PAK5: variants seen among roughly 807,000 people sequenced by gnomAD.
PAK5 encodes serine/threonine-protein kinase PAK 5.
Under a neutral mutation model 65.9 loss-of-function variants are expected in PAK5, and 16 were observed. The observed-to-expected ratio is 0.24, with a 90% confidence interval of 0.16 to 0.37. PAK5 has a LOEUF of 0.37. Among genes scored for constraint, PAK5 ranks in the 10% least tolerant of loss-of-function variants. The probability of loss-of-function intolerance (pLI) is 1.00; values close to 1 mark genes in which losing one functional copy is unlikely to be tolerated. For synonymous variants in PAK5, 371 were observed against 354.9 expected (o/e 1.05, Z -0.51); for missense variants, 785 against 903.9 (o/e 0.87, Z 1.69).
At chr20:9,554,529 G>A (rs190615244) in intron 7 of PAK5, among the ~76,000 whole-genome samples, 1 of 152,306 alleles carries the variant, frequency 6.6e-6, no homozygotes, top group East Asian at 1.9e-4. Context: ...GCACTGTTTT[G>A]CTGAGCTATA....
intron 5 of PAK5, among the ~76,000 whole-genome samples, chr20:9,564,143 C>T (rs2045635485): frequency 6.6e-6 from 1 of 152,174 alleles, no homozygotes; most frequent in Admixed American, 6.6e-5. Flanking sequence ...GATCTCTCAT[C>T]CACAAAAACT....
In PAK5 at chr20:9,723,710, A is replaced by C. The variant is rs722482; in HGVS notation, c.-161-12275T>G. On this transcript the variant is annotated intron_variant, in intron 1 of 9. Transcript: ENST00000353224. ...AATGAGACACATAAGAAGAGAAGCC[A>C]TGTGGCCCTGGTCACCCTGGGCAAA... 6.4e-3 allele frequency among the ~76,000 whole-genome samples: 974 copies of C among 152,270 alleles called. 20 individuals carry two copies. The highest frequency in any genetic ancestry group is 0.04 in the Admixed American group (611 of 15,296).
Position 9,561,083 on chromosome 20 carries a change from T to C in PAK5, c.1616+1808A>G, listed in dbSNP as rs148580360. On this transcript the variant is annotated intron_variant, in intron 6 of 9. Transcript: ENST00000353224. ...CTATTAAAGGAAGCTCTCTGAATTC[T>C]GAGTTTAAGATTTCGAATACCAAGT... is the stretch of plus-strand genomic sequence containing the variant. 1.1e-3 allele frequency among the ~76,000 whole-genome samples: 167 copies of C among 152,350 alleles called. 1 individual carries two copies. The East Asian group carries it at 0.027, about 25-fold the overall frequency.
At chr20:9,790,269 AGG>A (rs1404708021) in intron 1 of PAK5, among the ~76,000 whole-genome samples, 1 of 152,130 alleles carries the variant, frequency 6.6e-6, no homozygotes, top group Non-Finnish European at 1.5e-5. Context: ...GCCATAATTA[AGG>A]TATAGCATCT....
intron 2 of PAK5, among the ~76,000 whole-genome samples, chr20:9,678,293 C>G (rs2047602519): frequency 6.6e-6 from 1 of 152,206 alleles, no homozygotes; most frequent in South Asian, 2.1e-4. Flanking sequence ...CGAGGCCAGG[C>G]ATGGTGGCTC....
At chr20:9,562,729 C>T (rs1186274719) in intron 6 of PAK5, among the ~76,000 whole-genome samples, 162 bp downstream of exon 6, 1 of 152,132 alleles carries the variant, frequency 6.6e-6, no homozygotes, top group Non-Finnish European at 1.5e-5. Flanking sequence ...ACTATACATG[C>T]CTGAGAGCAT....
chr20:9,676,261 G>A (rs2047570677), intron 2 of PAK5, among the ~76,000 whole-genome samples: 1 of 151,808 alleles, frequency 6.6e-6, no homozygotes, highest in Non-Finnish European at 1.5e-5. Context: ...CAACATGTGG[G>A]AATTAAAGAT....
At chr20:9,795,143 G>A (rs1294998583) in intron 1 of PAK5, among the ~76,000 whole-genome samples, 2 of 152,026 alleles carry the variant, frequency 1.3e-5, no homozygotes, top group African/African-American at 4.8e-5. Flanking sequence ...GAACACATTA[G>A]TAGGCCATGT....
At chr20:9,746,347 C>G (rs1012237610) in intron 1 of PAK5, among the ~76,000 whole-genome samples, 3 of 152,172 alleles carry the variant, frequency 2.0e-5, no homozygotes, top group Admixed American at 2.0e-4. Flanking sequence ...AGAAACCGCA[C>G]AGACATTCCT....
chr20:9,766,909 TG>T (rs1323360603), intron 1 of PAK5, among the ~76,000 whole-genome samples: 3 of 104,518 alleles, frequency 2.9e-5, no homozygotes, highest in South Asian at 3.7e-4. Context: ...TTCATTAAAA[TG>T]TTTTTTTTTT....
chr20:9,557,261 A>T (rs1040562342), intron 7 of PAK5, among the ~76,000 whole-genome samples: 1 of 152,194 alleles, frequency 6.6e-6, no homozygotes, highest in African/African-American at 2.4e-5. Flanking sequence ...ATGTGGACAC[A>T]TGTATTCATG....
chr20:9,681,637 G>A (rs575937973), intron 2 of PAK5, among the ~76,000 whole-genome samples: 12 of 152,116 alleles, frequency 7.9e-5, no homozygotes, highest in African/African-American at 2.9e-4. Flanking sequence ...ACTACTTCCT[G>A]TTCAATGTAA....
chr20:9,789,225 C>G (rs1295106919), intron 1 of PAK5, among the ~76,000 whole-genome samples: 2 of 152,138 alleles, frequency 1.3e-5, no homozygotes, highest in Non-Finnish European at 2.9e-5. Context: ...TTAAAAAATA[C>G]TGTATGTAGC....
At chr20:9,666,482 C>T (rs534638434) in intron 2 of PAK5, among the ~76,000 whole-genome samples, 3 of 140,160 alleles carry the variant, frequency 2.1e-5, no homozygotes, top group East Asian at 4.3e-4. Context: ...ACCACAAAAA[C>T]AAAAAGCAAA....
intron 1 of PAK5, among the ~76,000 whole-genome samples, chr20:9,826,334 C>A (rs1001042548): frequency 3.3e-5 from 5 of 152,158 alleles, no homozygotes; most frequent in Non-Finnish European, 7.3e-5. Context: ...CTACACCTTT[C>A]AGCTTTAGAA....
Position 9,538,580 on chromosome 20 carries a change from G to A in PAK5, c.*882C>T, listed in dbSNP as rs899152583. On this transcript the variant is annotated 3_prime_UTR_variant, in exon 10 of 10. Coordinates refer to ENST00000353224, the MANE Select transcript of PAK5 (RefSeq NM_177990.4). ...GGAAATTTGGCCACAAGGGAACATT[G>A]TACCCATTTGAGAAAGGGCACTGAG... 4 of 233,076 alleles carry A rather than the reference G, an allele frequency of 1.7e-5. No individual in the cohort carries two copies. The Admixed American group carries it at 2.3e-4, about 13-fold the overall frequency. The allele number at this position is 233,076 out of a possible 1,614,324, so 14.4% of individuals were successfully genotyped here.
chr20:9,782,015 A>G (rs998834051), intron 1 of PAK5, among the ~76,000 whole-genome samples: 1 of 152,058 alleles, frequency 6.6e-6, no homozygotes, highest in African/African-American at 2.4e-5. Context: ...CTCAGAGTAA[A>G]ATCTGTCTTT....
At chr20:9,675,390 G>C (rs2047556115) in intron 2 of PAK5, among the ~76,000 whole-genome samples, 1 of 152,122 alleles carries the variant, frequency 6.6e-6, no homozygotes, top group Admixed American at 6.6e-5. Context: ...GGACAAGTAG[G>C]ACCTCAGTAC....
intron 1 of PAK5, among the ~76,000 whole-genome samples, chr20:9,802,935 AAT>A (rs2049189019): frequency 1.5e-4 from 2 of 13,666 alleles, no homozygotes; most frequent in Non-Finnish European, 3.6e-4. Flanking sequence ...TATATATATG[AAT>A]TACTAATAGC....
Sources: gnomAD v4.1 joint callset for allele counts (sites outside exome capture counted in the v4.1 genomes callset) on GRCh38, gnomAD v4.1.1 for gene constraint, MANE v1.5 for transcripts, NCBI Gene and HGNC (gene_info 2026-07-23, HGNC 2026-07-21) for gene names.